Variants in ZNF341 observed in about 807,000 individuals in gnomAD.
The protein encoded by ZNF341 is zinc finger protein 341.
A neutral mutation model predicts 87.7 loss-of-function variants in ZNF341; 52 were observed. That is an observed-to-expected ratio of 0.59 (90% CI 0.47 to 0.75). ZNF341 has a LOEUF of 0.75. Among genes scored for constraint, ZNF341 ranks in the 30% least tolerant of loss-of-function variants. The pLI, the probability that ZNF341 is intolerant of heterozygous loss-of-function variation, is 0.00. For synonymous variants in ZNF341, 459 were observed against 472.7 expected, an observed-to-expected ratio of 0.97 and a Z score of 0.38; for missense variants, 977 against 1,145.9, an observed-to-expected ratio of 0.85 and a Z score of 2.13.
chr20:33,782,373 C>T (rs6057904), intron 11 of ZNF341, among the ~76,000 whole-genome samples: 5,510 of 152,272 alleles, frequency 0.036, 350 homozygotes, highest in African/African-American at 0.12. Flanking sequence ...TTTGGTTCAG[C>T]GGTGTTCCCC....
chr20:33,735,973 A>G (rs935913453), intron 1 of ZNF341, among the ~76,000 whole-genome samples: 5 of 151,772 alleles, frequency 3.3e-5, no homozygotes, highest in Non-Finnish European at 7.4e-5. Flanking sequence ...ATAATTCCCT[A>G]GTGATTCATC....
chr20:33,736,978 G>A (rs2018701374), intron 1 of ZNF341, among the ~76,000 whole-genome samples: 1 of 152,144 alleles, frequency 6.6e-6, no homozygotes, highest in African/African-American at 2.4e-5. Flanking sequence ...ACACTTAGGG[G>A]GTGGCCAGGA....
rs2019936350 is a variant in ZNF341 at position 33,788,993 on chromosome 20, G to A, written c.1964+19G>A. On this transcript the variant is annotated intron_variant, in intron 13 of 14. Transcript: ENST00000375200. ...CTTTCTCGTGAGTAGAGACTGCCATGCAGGGGGGTGGGTAGCGGGACAGAT... is the reference window on the plus strand; with the variant it reads ...CTTTCTCGTGAGTAGAGACTGCCATACAGGGGGGTGGGTAGCGGGACAGAT... 6.3e-7 allele frequency: 1 copy of A among 1,598,582 alleles called. No individual in the cohort carries two copies. Among genetic ancestry groups the A allele is most frequent in the African/African-American group, 1.3e-5 (1 of 74,714 alleles).
At chr20:33,770,555 A>G (rs2019510060) in intron 10 of ZNF341, among the ~76,000 whole-genome samples, 1 of 152,230 alleles carries the variant, frequency 6.6e-6, no homozygotes, top group Non-Finnish European at 1.5e-5. Context: ...AGAGGAACCT[A>G]TATTTCCTTG....
intron 10 of ZNF341, among the ~76,000 whole-genome samples, chr20:33,775,372 C>T (rs973648477): frequency 1.1e-4 from 16 of 151,794 alleles, no homozygotes; most frequent in Middle Eastern, 3.4e-3. Context: ...CACCATGCCC[C>T]GCTAATTTTT....
At chr20:33,761,706 T>C (rs1010694708) in intron 7 of ZNF341, among the ~76,000 whole-genome samples, 156 bp from the exon 8 acceptor site, 1 of 152,216 alleles carries the variant, frequency 6.6e-6, no homozygotes, top group Non-Finnish European at 1.5e-5. Context: ...ATCTCTGGTC[T>C]GCCTGCCTCA....
At chr20:33,752,323 G>A in intron 4 of ZNF341, 1 of 614,814 alleles carries the variant, frequency 1.6e-6, no homozygotes, top group East Asian at 3.4e-5. Flanking sequence ...TTATTCCTTT[G>A]TCTCAGACAG....
chr20:33,768,535 G>A (rs928570148), intron 9 of ZNF341, among the ~76,000 whole-genome samples: 7 of 151,918 alleles, frequency 4.6e-5, no homozygotes, highest in Non-Finnish European at 8.8e-5. Flanking sequence ...GGATTCTCCT[G>A]CCTCAGCCTC....
In ZNF341 at chr20:33,781,308, A is replaced by G. The variant is rs147329875; in HGVS notation, c.1640A>G (p.Asn547Ser). 2,331 of 1,614,036 alleles carry G rather than the reference A, an allele frequency of 1.4e-3. 2 individuals carry two copies. Among genetic ancestry groups the G allele is most frequent in the Non-Finnish European group, 1.6e-3 (1,919 of 1,179,972 alleles). ...NAVYKCVKCVNKYSTPEALEH... is the reference protein window; with the variant it reads ...NAVYKCVKCVSKYSTPEALEH... ...CCACTTAGGTGTGTCAAATGTGTCAACAAATACTCCACCCCTGAGGCCCTG... is the reference window on the plus strand; with the variant it reads ...CCACTTAGGTGTGTCAAATGTGTCAGCAAATACTCCACCCCTGAGGCCCTG... The change falls in exon 11 of 15, where the codon AAC (asparagine) becomes AGC (serine). Residue 547 changes from asparagine (N) to serine (S), a missense_variant. Coordinates refer to ENST00000375200, the MANE Select transcript of ZNF341 (RefSeq NM_001282933.2).
intron 3 of ZNF341, 127 bp downstream of exon 3, chr20:33,745,426 G>C: frequency 1.1e-6 from 1 of 890,820 alleles, no homozygotes; most frequent in Non-Finnish European, 1.7e-6. Context: ...GGAGTGGGGC[G>C]AGATGGATGG....
chr20:33,765,700 C>T (rs1259402533), intron 8 of ZNF341, among the ~76,000 whole-genome samples: 3 of 151,920 alleles, frequency 2.0e-5, no homozygotes, highest in Non-Finnish European at 2.9e-5. Flanking sequence ...TAATTTCTTC[C>T]ATTTTTTTTG....
intron 12 of ZNF341, among the ~76,000 whole-genome samples, chr20:33,786,339 G>A (rs1224946147): frequency 6.6e-6 from 1 of 152,106 alleles, no homozygotes; most frequent in Non-Finnish European, 1.5e-5. Context: ...TCAGCTATTA[G>A]TTTGTACACA....
At chr20:33,746,680 G>A (rs532365745) in intron 3 of ZNF341, among the ~76,000 whole-genome samples, 1 of 152,304 alleles carries the variant, frequency 6.6e-6, no homozygotes, top group Admixed American at 6.5e-5. Flanking sequence ...GACCCGTTGA[G>A]GGACTGTAGT....
intron 7 of ZNF341, among the ~76,000 whole-genome samples, chr20:33,760,710 ATTTTTGTAT>A (rs1367253143): frequency 6.6e-6 from 1 of 151,606 alleles, no homozygotes; most frequent in Non-Finnish European, 1.5e-5. Context: ...CACCTACCTA[ATTTTTGTAT>A]TTTTTGTAGA....
Position 33,767,663 on chromosome 20 carries a change from C to A in ZNF341, c.1413+622C>A, listed in dbSNP as rs77088068. 6.5e-3 allele frequency among the ~76,000 whole-genome samples: 989 copies of A among 152,284 alleles called. 15 individuals carry two copies. Among genetic ancestry groups the A allele is most frequent in the African/African-American group, 0.02 (833 of 41,564 alleles). On this transcript the variant is annotated intron_variant, in intron 9 of 14. Coordinates refer to ENST00000375200, the MANE Select transcript of ZNF341 (RefSeq NM_001282933.2). Reference sequence around the variant, plus strand: ...TTTATCTTTTATAGGAGCAAGAAAGCTTTTCCTAGAAGCACTTTGTAGATC... The same window carrying A: ...TTTATCTTTTATAGGAGCAAGAAAGATTTTCCTAGAAGCACTTTGTAGATC...
intron 7 of ZNF341, among the ~76,000 whole-genome samples, chr20:33,759,271 A>C (rs891508946): frequency 1.3e-5 from 2 of 152,186 alleles, no homozygotes; most frequent in Non-Finnish European, 2.9e-5. Context: ...TCACACAGTG[A>C]AATGCACTGG....
rs2122665101 is a variant in ZNF341 at position 33,753,377 on chromosome 20, CG to C, written c.697del (p.Val233TrpfsTer14). On this transcript the variant is annotated frameshift_variant, in exon 5 of 15. Transcript: ENST00000375200. LOFTEE classifies it high-confidence loss of function. The part of the protein sequence containing the change: ...SAAAPLAGSG[T>X]VEIQALGMQP... The stretch of plus-strand genomic sequence containing the variant: ...GCTGCGCCCCTGGCTGGGAGTGGAA[CG>C]GTGGAGATCCAGGCACTGGGGATGC... 6.2e-7 allele frequency: 1 copy of C among 1,607,642 alleles called. No homozygotes were observed. The highest frequency in any genetic ancestry group is 1.1e-5 in the South Asian group (1 of 90,194).
At chr20:33,781,130 G>A (rs951513243) in intron 10 of ZNF341, among the ~76,000 whole-genome samples, 161 bp from the exon 11 acceptor site, 20 of 152,192 alleles carry the variant, frequency 1.3e-4, no homozygotes, top group African/African-American at 3.1e-4. Flanking sequence ...AGATGATGGC[G>A]CTCAGATGAG....
rs1264840402 is a variant in ZNF341, at chr20:33,760,448, G to A, written c.1029-1414G>A. ...TGCTCAAACTGGCGCTGTCCAATAT[G>A]GTAGCTACTGACTATACATGGCTGT... On this transcript the variant is annotated intron_variant, in intron 7 of 14. Transcript: ENST00000375200. 4.6e-5 allele frequency among the ~76,000 whole-genome samples: 7 copies of A among 152,236 alleles called. No individual in the cohort carries two copies. In the East Asian group the frequency reaches 1.2e-3, roughly 25 times the overall value.
Sources: allele counts gnomAD v4.1 joint callset (sites outside exome capture counted in the v4.1 genomes callset), GRCh38; gene constraint gnomAD v4.1.1; transcripts MANE v1.5; gene names NCBI Gene and HGNC (gene_info 2026-07-23, HGNC 2026-07-21).